Variants in IFT56 observed in about 807,000 individuals in gnomAD.
The protein encoded by IFT56 is intraflagellar transport protein 56.
chr7:139,182,800 G>GA, the IFT56 span, among the ~76,000 whole-genome samples: 8 of 151,264 alleles, frequency 5.3e-5, no homozygotes, highest in East Asian at 3.9e-4. Context: ...ATGAGGACAG[G>GA]AAAAAAAATG....
At chr7:139,190,593 G>T in the IFT56 span, 1 of 152,082 alleles carries the variant, frequency 6.6e-6, no homozygotes, top group African/African-American at 2.4e-5. Context: ...ATGTATTGTG[G>T]GCACTTATTA....
chr7:139,167,767 C>T, the IFT56 span, among the ~76,000 whole-genome samples: 889 of 151,888 alleles, frequency 5.9e-3, 17 homozygotes, highest in African/African-American at 0.021. Context: ...GGTGAAACCC[C>T]GTCTCTACTA....
the IFT56 span, among the ~76,000 whole-genome samples, chr7:139,150,649 T>A: frequency 6.6e-6 from 1 of 152,216 alleles, no homozygotes; most frequent in African/African-American, 2.4e-5. Flanking sequence ...TGTTTAATTA[T>A]TATAATTTTA....
At chr7:139,183,656 T>C in the IFT56 span, among the ~76,000 whole-genome samples, 1 of 151,308 alleles carries the variant, frequency 6.6e-6, no homozygotes, top group Non-Finnish European at 1.5e-5. Flanking sequence ...TATATTTACA[T>C]AGGTCAAAAA....
chr7:139,167,605 T>A, the IFT56 span, among the ~76,000 whole-genome samples: 1,175 of 152,182 alleles, frequency 7.7e-3, 26 homozygotes, highest in East Asian at 0.074. Context: ...ACTTTTTTTT[T>A]ATTTAGGAAA....
At chr7:139,179,579 C>A in the IFT56 span, 2 of 1,613,912 alleles carry the variant, frequency 1.2e-6, no homozygotes, top group Non-Finnish European at 1.7e-6. Flanking sequence ...TGCAGGCGTT[C>A]CTCTTGATCC....
At chr7:139,168,496 T>A in the IFT56 span, 2 of 813,120 alleles carry the variant, frequency 2.5e-6, no homozygotes, top group Non-Finnish European at 4.2e-6. Context: ...TAGGCTCTCC[T>A]GTAGCTCCTT....
At chr7:139,171,333 A>G in the IFT56 span, among the ~76,000 whole-genome samples, 1 of 152,200 alleles carries the variant, frequency 6.6e-6, no homozygotes, top group Admixed American at 6.5e-5. Context: ...ATAAAAATAG[A>G]AAAAACAATC....
At chr7:139,141,479 T>C in the IFT56 span, among the ~76,000 whole-genome samples, 1 of 152,184 alleles carries the variant, frequency 6.6e-6, no homozygotes, top group African/African-American at 2.4e-5. Context: ...ACTAATGTAG[T>C]TTTTCCTAAT....
At chr7:139,147,079 G>GAT in the IFT56 span, 1 of 1,599,780 alleles carries the variant, frequency 6.3e-7, no homozygotes, top group Non-Finnish European at 8.5e-7. Flanking sequence ...CTATCACATA[G>GAT]ATATTGATTT....
At chr7:139,147,294 T>C in the IFT56 span, 1 of 1,595,062 alleles carries the variant, frequency 6.3e-7, no homozygotes, top group South Asian at 1.1e-5. Flanking sequence ...ATAACAGGTC[T>C]GTGTCCTTTT....
chr7:139,185,512 G>T, the IFT56 span, among the ~76,000 whole-genome samples: 2 of 151,942 alleles, frequency 1.3e-5, no homozygotes, highest in African/African-American at 4.8e-5. Flanking sequence ...TTATAATGTT[G>T]AATCATAGGT....
At chr7:139,138,357 C>G in the IFT56 span, among the ~76,000 whole-genome samples, 2 of 152,122 alleles carry the variant, frequency 1.3e-5, no homozygotes, top group Non-Finnish European at 2.9e-5. Context: ...GTGTTAATCT[C>G]TTATTGTGCC....
At chr7:139,133,924 C>T in the IFT56 span, 2 of 1,594,992 alleles carry the variant, frequency 1.3e-6, no homozygotes, top group Non-Finnish European at 8.6e-7. Context: ...ATTAGAGGTT[C>T]CCAGCACACT....
chr7:139,189,260 T>G, the IFT56 span: 1 of 1,273,080 alleles, frequency 7.9e-7, no homozygotes, highest in Non-Finnish European at 1.1e-6. Flanking sequence ...TCAGAGTTTA[T>G]TTTATTTTTT....
the IFT56 span, among the ~76,000 whole-genome samples, chr7:139,155,374 T>A: frequency 6.6e-6 from 1 of 152,204 alleles, no homozygotes; most frequent in Non-Finnish European, 1.5e-5. Context: ...GCAGATATCC[T>A]TGTCTTGTTC....
At chr7:139,134,401 G>C in the IFT56 span, among the ~76,000 whole-genome samples, 1 of 151,942 alleles carries the variant, frequency 6.6e-6, no homozygotes, top group East Asian at 1.9e-4. Flanking sequence ...CTCCCGAGTA[G>C]CTGGGACTAC....
chr7:139,141,901 A>G, the IFT56 span, among the ~76,000 whole-genome samples: 1 of 152,222 alleles, frequency 6.6e-6, no homozygotes, highest in Non-Finnish European at 1.5e-5. Context: ...TCATACACAC[A>G]TTGAGATGAC....
At chr7:139,144,401 A>G in the IFT56 span, among the ~76,000 whole-genome samples, 1 of 151,986 alleles carries the variant, frequency 6.6e-6, no homozygotes, top group African/African-American at 2.4e-5. Context: ...CATGTTTAAG[A>G]TTTATACATT....
Sources: allele counts gnomAD v4.1 joint callset (sites outside exome capture counted in the v4.1 genomes callset), GRCh38; gene constraint gnomAD v4.1.1; transcripts MANE v1.5; gene names NCBI Gene and HGNC (gene_info 2026-07-23, HGNC 2026-07-21).